TACC2: variants seen among roughly 807,000 people sequenced by gnomAD.
TACC2 encodes transforming acidic coiled-coil-containing protein 2.
In TACC2, 137 loss-of-function variants were observed where a neutral mutation model predicts 227.3. The observed-to-expected ratio is 0.60, with a 90% CI of 0.52 to 0.69. The LOEUF is 0.69. Ranked by LOEUF, TACC2 falls within the 30% of genes least tolerant of loss-of-function variation. The pLI is 0.00. For synonymous variants in TACC2, 1,523 were observed against 1,487.5 expected (o/e 1.02, Z -0.55); for missense variants, 3,470 against 3,694.4 (o/e 0.94, Z 1.57).
intron 3 of TACC2, among the ~76,000 whole-genome samples, chr10:122,067,163 C>A (rs2077475644): frequency 8.4e-6 from 1 of 119,232 alleles, no homozygotes; most frequent in African/African-American, 3.2e-5. Flanking sequence ...ATCCTGATTA[C>A]CATTTTGTAT....
chr10:122,238,107 T>C (rs906654700), intron 18 of TACC2, 70 bp downstream of exon 18: 13 of 1,254,900 alleles, frequency 1.0e-5, no homozygotes, highest in African/African-American at 1.5e-5. Flanking sequence ...TGACCGGAGC[T>C]GGTGTGGTCC....
At chr10:122,252,435 A>T (rs1269097099) in intron 22 of TACC2, among the ~76,000 whole-genome samples, 1 of 151,940 alleles carries the variant, frequency 6.6e-6, no homozygotes, top group South Asian at 2.1e-4. Flanking sequence ...AATAAGATGG[A>T]AGATCACCGT....
intron 16 of TACC2, among the ~76,000 whole-genome samples, chr10:122,232,117 T>C (rs2141477623): frequency 6.6e-6 from 1 of 152,350 alleles, no homozygotes; most frequent in East Asian, 1.9e-4. Flanking sequence ...ATTGGGGATG[T>C]CCTCGTTCTT....
chr10:122,071,462 T>C (rs2078044036), intron 3 of TACC2, among the ~76,000 whole-genome samples: 1 of 151,900 alleles, frequency 6.6e-6, no homozygotes, highest in South Asian at 2.1e-4. Context: ...TGAAAAAAAT[T>C]GGTTAAAAGA....
chr10:122,239,719 A>G (rs2095942589), intron 18 of TACC2, among the ~76,000 whole-genome samples: 1 of 152,014 alleles, frequency 6.6e-6, no homozygotes, highest in Admixed American at 6.6e-5. Context: ...AAGTCGTACC[A>G]CTGAGGGGCC....
intron 7 of TACC2, among the ~76,000 whole-genome samples, chr10:122,168,267 G>A (rs1388931175): frequency 1.3e-5 from 2 of 152,134 alleles, no homozygotes; most frequent in Non-Finnish European, 2.9e-5. Flanking sequence ...TAGCTTAAAC[G>A]ACAGCATTCC....
Position 122,087,262 on chromosome 10 carries a change from G to T in TACC2, c.4762G>T (p.Ala1588Ser), listed in dbSNP as rs767605167. ...QVAPHSHGEE[A>S]VAQDRIPSGK... ...GGCTCCCCATAGCCATGGAGAAGAGGCCGTGGCCCAAGACAGAATTCCTTC... is the reference window on the plus strand; with the variant it reads ...GGCTCCCCATAGCCATGGAGAAGAGTCCGTGGCCCAAGACAGAATTCCTTC... Residue 1588 changes from alanine to serine, a missense_variant, in exon 4 of 23, where the codon GCC (alanine) becomes TCC (serine). By Grantham distance (99) the Ala-to-Ser change is moderately conservative (BLOSUM62 1). Transcript: ENST00000369005. 1 of 1,613,708 alleles carries T rather than the reference G, an allele frequency of 6.2e-7. No homozygotes were observed. The highest frequency in any genetic ancestry group is 1.3e-5 in the African/African-American group (1 of 74,958).
At chr10:122,181,024 A>T (rs149953949) in intron 7 of TACC2, among the ~76,000 whole-genome samples, 125 of 151,794 alleles carry the variant, frequency 8.2e-4, no homozygotes, top group African/African-American at 2.7e-3. Flanking sequence ...GATTACAGGC[A>T]TGAGCCACCG....
intron 7 of TACC2, among the ~76,000 whole-genome samples, chr10:122,165,809 A>T (rs968207849): frequency 3.3e-5 from 5 of 152,242 alleles, no homozygotes; most frequent in African/African-American, 1.2e-4. Flanking sequence ...TTCTAAAAAA[A>T]TGGAGAGAGA....
intron 8 of TACC2, among the ~76,000 whole-genome samples, chr10:122,206,055 C>T (rs911778): frequency 0.47 from 71,827 of 151,298 alleles, 17,069 homozygotes; most frequent in Middle Eastern, 0.56. Context: ...CCTCTGGGCG[C>T]CAAGGATTCC....
At chr10:122,008,810 C>T (rs926597675) in intron 1 of TACC2, among the ~76,000 whole-genome samples, 11 of 151,828 alleles carry the variant, frequency 7.2e-5, no homozygotes, top group South Asian at 2.1e-4. Context: ...TGACCTCAAG[C>T]GATCCACTCA....
Position 122,229,010 on chromosome 10 carries a change from T to C in TACC2, c.7897-336T>C, listed in dbSNP as rs566392025. Among the ~76,000 whole-genome samples the C allele has an allele frequency of 1.4e-4, 21 of 152,268 alleles. No individual in the cohort carries two copies. In the South Asian group the frequency reaches 4.1e-3, roughly 30 times the overall value. On this transcript the variant is annotated intron_variant, in intron 14 of 22. Coordinates refer to ENST00000369005, the MANE Select transcript of TACC2 (RefSeq NM_206862.4). ...TTTGGAAGTATTTCTTGAAGAGTTA[T>C]GTTACGTTTGGAAAACCCACCAGCT...
chr10:121,999,794 C>T (rs72839631), intron 1 of TACC2, among the ~76,000 whole-genome samples: 2,960 of 152,274 alleles, frequency 0.019, 54 homozygotes, highest in Admixed American at 0.045. Flanking sequence ...AGAGGAAAAA[C>T]GACAGAGGAA....
Position 122,180,891 on chromosome 10 carries a change from G to A in TACC2, c.5835-14149G>A, listed in dbSNP as rs1421147142. On this transcript the variant is annotated intron_variant, in intron 7 of 22. Coordinates refer to ENST00000369005, the MANE Select transcript of TACC2 (RefSeq NM_206862.4). This position sits in a 1 kb window ranked among gnomAD's most constrained non-coding sequence, Gnocchi z 4.5. ...CTGCCTCAGCTGGGATTACAGGCAC[G>A]CGCCCCCATGTCCACCTAATTTTTA... 6.6e-6 allele frequency among the ~76,000 whole-genome samples: 1 copy of A among 151,958 alleles called. No homozygotes were observed. Among genetic ancestry groups the A allele is most frequent in the Non-Finnish European group, 1.5e-5 (1 of 67,988 alleles).
At chr10:122,118,606 C>G (rs184016926) in intron 5 of TACC2, among the ~76,000 whole-genome samples, 1 of 152,194 alleles carries the variant, frequency 6.6e-6, no homozygotes, top group African/African-American at 2.4e-5. Context: ...GACCTGGTTG[C>G]ATTGCAGGGA....
chr10:122,034,876 C>A (rs1417039451), intron 2 of TACC2, among the ~76,000 whole-genome samples: 2 of 148,096 alleles, frequency 1.4e-5, no homozygotes, highest in East Asian at 4.0e-4. Flanking sequence ...TGCAGTGAGC[C>A]AAGATCGTGC....
At chr10:122,064,104 G>C (rs2077137389) in intron 3 of TACC2, among the ~76,000 whole-genome samples, 1 of 152,182 alleles carries the variant, frequency 6.6e-6, no homozygotes, top group South Asian at 2.1e-4. Context: ...AGAGGTTGGA[G>C]TGAGCCAAGA....
At chr10:122,117,880 T>A (rs189979126) in intron 5 of TACC2, among the ~76,000 whole-genome samples, 1 of 152,302 alleles carries the variant, frequency 6.6e-6, no homozygotes, top group East Asian at 1.9e-4. Context: ...ATCAATAGGA[T>A]CTTTTTTCTT....
chr10:122,121,625 G>A (rs1248802493), intron 5 of TACC2, among the ~76,000 whole-genome samples: 3 of 152,222 alleles, frequency 2.0e-5, no homozygotes, highest in Non-Finnish European at 4.4e-5. Context: ...TGTGACAAGC[G>A]CTGCTTATAA....
Sources: allele counts gnomAD v4.1 joint callset (sites outside exome capture counted in the v4.1 genomes callset), GRCh38; gene constraint gnomAD v4.1.1; non-coding constraint Gnocchi (gnomAD v3.1); transcripts MANE v1.5; gene names NCBI Gene and HGNC (gene_info 2026-07-23, HGNC 2026-07-21).